Variants in ROBO2 observed in about 807,000 individuals in gnomAD.
The protein encoded by ROBO2 is roundabout homolog 2.
ROBO2 carries 53 observed loss-of-function variants against 160.8 expected under a neutral mutation model. The ratio of observed to expected loss-of-function variants is 0.33; its 90% CI spans 0.26 to 0.41. The LOEUF is 0.41. ROBO2 is among the 10% of genes least tolerant of loss of function. The pLI, the probability that ROBO2 is intolerant of heterozygous loss-of-function variation, is 1.00. For synonymous variants in ROBO2, 664 were observed against 611.7 expected, an observed-to-expected ratio of 1.09 and a Z score of -1.26; for missense variants, 1,577 against 1,722.4, an observed-to-expected ratio of 0.92 and a Z score of 1.49.
intron 2 of ROBO2, among the ~76,000 whole-genome samples, chr3:76,690,969 T>A (rs1378225732): frequency 6.6e-6 from 1 of 152,072 alleles, no homozygotes; most frequent in African/African-American, 2.4e-5. Flanking sequence ...TCTGTAGTCC[T>A]AGCTTCTCAA....
At position 76,446,346 on chromosome 3, in the gene ROBO2, C is replaced by T. The variant is rs113860341; in HGVS notation, c.109+508744C>T. On this transcript the variant is annotated intron_variant, in intron 2 of 26. Transcript: ENST00000487694. ...TCCCACTTACAAGGGATATGAAGGA[C>T]CTCTTCAAGGAGAACTACAAATCAC... is the stretch of plus-strand genomic sequence containing the variant. 3.6e-4 allele frequency among the ~76,000 whole-genome samples: 55 copies of T among 152,144 alleles called. 1 individual carries two copies. Among genetic ancestry groups the T allele is most frequent in the African/African-American group, 1.0e-3 (43 of 41,496 alleles).
chr3:76,083,308 C>T (rs1353298175), intron 2 of ROBO2, among the ~76,000 whole-genome samples: 1 of 151,876 alleles, frequency 6.6e-6, no homozygotes, highest in Non-Finnish European at 1.5e-5. Flanking sequence ...ATAAATACTG[C>T]AAAGTTTAGA....
At chr3:77,421,711 G>C (rs953514164) in intron 2 of ROBO2, among the ~76,000 whole-genome samples, 1 of 151,884 alleles carries the variant, frequency 6.6e-6, no homozygotes, top group Non-Finnish European at 1.5e-5. Flanking sequence ...AATTGAAGTA[G>C]ATTTTGAAAA....
chr3:77,244,438 G>A (rs2089453062), intron 2 of ROBO2, among the ~76,000 whole-genome samples: 1 of 152,182 alleles, frequency 6.6e-6, no homozygotes. Flanking sequence ...CATGCGCAAA[G>A]TCAAAGTCAG....
intron 2 of ROBO2, among the ~76,000 whole-genome samples, chr3:76,692,799 A>C (rs2092830582): frequency 6.6e-6 from 1 of 152,004 alleles, no homozygotes; most frequent in South Asian, 2.1e-4. Flanking sequence ...ATATATTTTT[A>C]TATGCATAAT....
chr3:76,197,260 A>C (rs984519182), intron 2 of ROBO2, among the ~76,000 whole-genome samples: 4 of 143,760 alleles, frequency 2.8e-5, no homozygotes, highest in Non-Finnish European at 1.5e-5. Context: ...GAGCTAATCA[A>C]TCTCTCTATA....
At chr3:77,294,106 G>T (rs1401660628) in intron 2 of ROBO2, among the ~76,000 whole-genome samples, 1 of 141,386 alleles carries the variant, frequency 7.1e-6, no homozygotes, top group Admixed American at 7.4e-5. Flanking sequence ...GGTTAAACGG[G>T]TAAGCTGAGG....
At chr3:76,130,856 A>G (rs1409562291) in intron 2 of ROBO2, among the ~76,000 whole-genome samples, 1 of 152,184 alleles carries the variant, frequency 6.6e-6, no homozygotes, top group Non-Finnish European at 1.5e-5. Flanking sequence ...CTATTTTTCA[A>G]TATTAATGAT....
intron 2 of ROBO2, among the ~76,000 whole-genome samples, chr3:76,820,891 T>C (rs2066065749): frequency 6.6e-6 from 1 of 151,960 alleles, no homozygotes; most frequent in Admixed American, 6.6e-5. Flanking sequence ...TTTGACAATA[T>C]GCAGAGAATT....
chr3:76,103,884 C>T (rs188708727), intron 2 of ROBO2, among the ~76,000 whole-genome samples: 3 of 152,138 alleles, frequency 2.0e-5, no homozygotes, highest in Non-Finnish European at 2.9e-5. Flanking sequence ...GTGCTTATGC[C>T]GAAGTTGATT....
chr3:76,277,806 A>T (rs2107657539), intron 2 of ROBO2, among the ~76,000 whole-genome samples: 1 of 152,096 alleles, frequency 6.6e-6, no homozygotes, highest in African/African-American at 2.4e-5. Flanking sequence ...AAAATTAAAT[A>T]AGTAAAAGTT....
rs187869026 is a variant in ROBO2, at chr3:77,225,700, A to G, written c.388+127360A>G. 3.1e-3 allele frequency among the ~76,000 whole-genome samples: 465 copies of G among 152,148 alleles called. 4 individuals are homozygous for G. The highest frequency in any genetic ancestry group is 9.5e-3 in the African/African-American group (394 of 41,564). On this transcript the variant is annotated intron_variant, in intron 2 of 25. Transcript: ENST00000461745. The stretch of plus-strand genomic sequence containing the variant: ...TTCTAAATCAATTCTATGCATATTC[A>G]CTGTCAAACAATTGCATGTAATAGT...
chr3:77,286,143 A>T (rs2060578003), intron 2 of ROBO2, among the ~76,000 whole-genome samples: 1 of 151,998 alleles, frequency 6.6e-6, no homozygotes, highest in Admixed American at 6.6e-5. Flanking sequence ...ACATTACCTT[A>T]TACTCTATTT....
At chr3:77,046,684 G>A (rs1283002515) in intron 1 of ROBO2, among the ~76,000 whole-genome samples, 1 of 152,138 alleles carries the variant, frequency 6.6e-6, no homozygotes, top group Non-Finnish European at 1.5e-5. Context: ...ACTGTTTCTG[G>A]ATTCTTAGCC....
chr3:76,172,174 T>C (rs2073063535), intron 2 of ROBO2, among the ~76,000 whole-genome samples: 3 of 151,868 alleles, frequency 2.0e-5, no homozygotes, highest in African/African-American at 7.3e-5. Flanking sequence ...GAACTCATCA[T>C]TTTTTTATGA....
At chr3:77,264,835 G>A (rs2059024036) in intron 2 of ROBO2, among the ~76,000 whole-genome samples, 1 of 151,988 alleles carries the variant, frequency 6.6e-6, no homozygotes, top group South Asian at 2.1e-4. Flanking sequence ...TTGTCTTTTT[G>A]TTAATTGTTG....
chr3:76,606,961 GAATA>G (rs1246582690), intron 2 of ROBO2, among the ~76,000 whole-genome samples: 2 of 151,998 alleles, frequency 1.3e-5, no homozygotes, highest in Non-Finnish European at 2.9e-5. Flanking sequence ...GCTAAATATG[GAATA>G]AATATTTCAT....
At chr3:75,937,314 A>G (rs557110828) in intron 1 of ROBO2, among the ~76,000 whole-genome samples, 1 of 152,326 alleles carries the variant, frequency 6.6e-6, no homozygotes, top group East Asian at 1.9e-4. Flanking sequence ...CATATTAATC[A>G]TCAATATGAC....
intron 2 of ROBO2, among the ~76,000 whole-genome samples, chr3:76,918,235 C>T: frequency 6.6e-6 from 1 of 152,126 alleles, no homozygotes; most frequent in East Asian, 1.9e-4. Context: ...AGGTGGTTTC[C>T]CCCATGCTGT....
Sources: allele counts gnomAD v4.1 joint callset (sites outside exome capture counted in the v4.1 genomes callset), GRCh38; gene constraint gnomAD v4.1.1; transcripts MANE v1.5; gene names NCBI Gene and HGNC (gene_info 2026-07-23, HGNC 2026-07-21).